The following RFX5 variants were observed in gnomAD, a reference collection of about 807,000 sequenced individuals.
RFX5 encodes DNA-binding protein RFX5.
Under a neutral mutation model 41.2 loss-of-function variants are expected in RFX5, and 30 were observed. That is an observed-to-expected ratio of 0.73 (90% CI 0.54 to 0.99). The LOEUF (loss-of-function observed/expected upper bound fraction) is 0.99, where lower values mean the gene tolerates loss of function less well. Among genes scored for constraint, RFX5 ranks in the 50% least tolerant of loss-of-function variants. The probability of loss-of-function intolerance (pLI) is 0.00; values close to 1 mark genes in which losing one functional copy is unlikely to be tolerated. For synonymous variants in RFX5, 231 were observed against 291.8 expected (o/e 0.79, Z 2.12); for missense variants, 715 against 773.6 (o/e 0.92, Z 0.90).
In RFX5 at chr1:151,346,252, C is replaced by T; in HGVS notation, c.69G>A (p.Glu23=). The change falls in exon 3 of 11, where the codon GAG becomes GAA. Residue 23 remains glutamate (E), a synonymous_variant. Transcript: ENST00000452671. Reference sequence around the variant, plus strand: ...GAAGAAGGGTGGTAGGTTCCCCAGCCTCAGCACCACCTGGGGGGGCCCTTC... The same window carrying T: ...GAAGAAGGGTGGTAGGTTCCCCAGCTTCAGCACCACCTGGGGGGGCCCTTC... The part of the protein sequence containing the change: ...TGGRAPPGGA[E]AGEPTTLLQR... 1 of 1,614,216 alleles carries T rather than the reference C, an allele frequency of 6.2e-7. No individual in the cohort carries two copies. The highest frequency in any genetic ancestry group is 8.5e-7 in the Non-Finnish European group (1 of 1,180,038).
chr1:151,346,892 G>C (rs1651121387), intron 1 of RFX5: 1 of 154,766 alleles, frequency 6.5e-6, no homozygotes, highest in African/African-American at 2.4e-5. Flanking sequence ...CACGTCGCCG[G>C]CCCCTACGTC....
intron 10 of RFX5, 29 bp downstream of exon 10, chr1:151,343,313 A>G: frequency 6.2e-7 from 1 of 1,610,400 alleles, no homozygotes; most frequent in Non-Finnish European, 8.5e-7. Context: ...AGCCCAGGAC[A>G]GCAAAGTCAG....
At chr1:151,344,090 G>T in intron 8 of RFX5, 107 bp downstream of exon 8, 1 of 1,212,008 alleles carries the variant, frequency 8.3e-7, no homozygotes, top group Non-Finnish European at 1.2e-6. Flanking sequence ...ATACCTAGAA[G>T]CTATGTACAT....
chr1:151,343,114 CTCT>C lies in RFX5; in HGVS notation c.920_922del (p.Lys307del). 4 of 1,612,760 alleles carry C rather than the reference CTCT, an allele frequency of 2.5e-6. No individual in the cohort carries two copies. The South Asian group carries it at 4.4e-5, about 18-fold the overall frequency. ...TCCTGGGGCCGAGCTCTCAACTACA[CTCT>C]TCTTCCGCTCTCCACGTGCGAGAGG... On this transcript the variant is annotated inframe_deletion, in exon 11 of 11. Transcript: ENST00000452671.
At position 151,342,184 on chromosome 1, in the gene RFX5, T is replaced by C. The variant is rs1650497892; in HGVS notation, c.*2A>G. On this transcript the variant is annotated 3_prime_UTR_variant, in exon 11 of 11. Transcript: ENST00000452671. ...ATAAACACTCTTCCCCACAGACCTG[T>C]ATCATGGGGGTGTTGCTTTTGGGTC... 1.2e-6 allele frequency: 2 copies of C among 1,614,170 alleles called. No homozygotes were observed. The highest frequency in any genetic ancestry group is 4.5e-5 in the East Asian group (2 of 44,888).
In RFX5 at chr1:151,343,156, C is replaced by T. The variant is rs777652681; in HGVS notation, c.881G>A (p.Arg294Gln). ...ACGTGCGAGAGGACCGGCCCCAGTT[C>T]GGGCTTCCAGATCCTTAGGAGGCTA... ...LAQPPKDLEA[R>Q]TGAGPLARGE... The change falls in exon 11 of 11, where the codon CGA (arginine) becomes CAA (glutamine). Residue 294 changes from arginine (R) to glutamine (Q), a missense_variant. Arg to Gln is a conservative substitution (Grantham distance 43). Transcript: ENST00000452671. 1.6e-5 allele frequency: 26 copies of T among 1,611,386 alleles called. No homozygotes were observed. Among genetic ancestry groups the T allele is most frequent in the African/African-American group, 1.3e-4 (10 of 74,998 alleles).
rs1650637769 is a variant in RFX5 at position 151,343,083 on chromosome 1, A to G, written c.954T>C (p.Asn318=). The G allele has an allele frequency of 6.2e-7, 1 of 1,613,236 alleles. No individual in the cohort carries two copies. The highest frequency in any genetic ancestry group is 8.5e-7 in the Non-Finnish European group (1 of 1,179,988). The part of the protein sequence containing the change: ...SVVESSAPGA[N]NLQVNALVAR... ...CCACTAGGGCATTAACCTGCAGGTT[A>G]TTGGCTCCTGGGGCCGAGCTCTCAA... is the stretch of plus-strand genomic sequence containing the variant. Residue 318 remains asparagine, a synonymous_variant, in exon 11 of 11, where the codon AAT becomes AAC. Transcript: ENST00000452671.
intron 9 of RFX5, 111 bp downstream of exon 9, chr1:151,343,570 G>C: frequency 7.0e-7 from 1 of 1,419,032 alleles, no homozygotes. Context: ...TCTTAGAAGG[G>C]TCTCCAGGAA....
rs1379268660 is a variant in RFX5 at position 151,343,438 on chromosome 1, C to T, written c.762G>A (p.Glu254=). Residue 254 remains glutamate (E), a synonymous_variant, in exon 10 of 11, where the codon GAG becomes GAA. Transcript: ENST00000452671. The part of the protein sequence containing the change: ...HVLKAMGLAE[E]DEHAPRERSS... The stretch of plus-strand genomic sequence containing the variant: ...ACCGTTCCCGAGGTGCATGTTCGTC[C>T]TCTTCTGCAGAGGTACCAAAAAGGT... 6.2e-7 allele frequency: 1 copy of T among 1,613,970 alleles called. No homozygotes were observed. The highest frequency in any genetic ancestry group is 8.5e-7 in the Non-Finnish European group (1 of 1,179,996).
At position 151,344,332 on chromosome 1, in the gene RFX5, A is replaced by C. The variant is rs1650797560; in HGVS notation, c.474-54T>G. 32 of 1,613,984 alleles carry C rather than the reference A, an allele frequency of 2.0e-5. 1 individual carries two copies. In the South Asian group the frequency reaches 3.4e-4, roughly 17 times the overall value. On this transcript the variant is annotated intron_variant, in intron 7 of 10. Coordinates refer to ENST00000452671, the MANE Select transcript of RFX5 (RefSeq NM_001025603.2). ...ATGGCGATCTCCAAGCCCCTCGAGC[A>C]AGTTAAGCTGTTCCACTCCTTGCTC... is the stretch of plus-strand genomic sequence containing the variant.
intron 4 of RFX5, chr1:151,345,569 G>A (rs796701814): frequency 3.5e-5 from 12 of 346,152 alleles, no homozygotes; most frequent in East Asian, 7.0e-5. Flanking sequence ...CCGAGATTGC[G>A]CCACTGCACT....
At chr1:151,345,282 T>C (rs1311380071) in intron 4 of RFX5, 94 bp from the exon 5 acceptor site, 1 of 977,900 alleles carries the variant, frequency 1.0e-6, no homozygotes, top group East Asian at 2.6e-5. Flanking sequence ...TCTAGCTGAC[T>C]TACAGGGTGT....
chr1:151,341,901 T>C lies in RFX5; in HGVS notation c.*285A>G. On this transcript the variant is annotated 3_prime_UTR_variant, in exon 11 of 11. Coordinates refer to ENST00000452671, the MANE Select transcript of RFX5 (RefSeq NM_001025603.2). ...TTAAAACCAAAAGATCCCTAACCTA[T>C]ATATTCATCATACTTAGCCCATTCC... The C allele has an allele frequency of 1.7e-6, 1 of 604,036 alleles. No homozygotes were observed. The highest frequency in any genetic ancestry group is 3.4e-5 in the East Asian group (1 of 29,482). 37.4% of individuals were successfully genotyped at this position (604,036 alleles called of 1,614,324 possible).
rs548859462 is a variant in RFX5, at chr1:151,343,918, A to G, written c.556-36T>C. ...GAAGGACATGCCCAATCACACTCCA[A>G]ATTAAAGAACCCTTGCCTCCTCTCT... On this transcript the variant is annotated intron_variant, in intron 8 of 10. Transcript: ENST00000452671. The G allele has an allele frequency of 6.9e-5, 111 of 1,603,844 alleles. 1 individual carries two copies. The South Asian group carries it at 1.0e-3, about 15-fold the overall frequency.
chr1:151,344,092 T>C, intron 8 of RFX5, 105 bp downstream of exon 8: 2 of 1,218,004 alleles, frequency 1.6e-6, no homozygotes, highest in East Asian at 2.3e-5. Context: ...ACCTAGAAGC[T>C]ATGTACATAA....
In RFX5 at chr1:151,344,366, C is replaced by T. The variant is rs769635353; in HGVS notation, c.473+51G>A. 2.5e-6 allele frequency: 4 copies of T among 1,614,146 alleles called. No homozygotes were observed. The South Asian group carries it at 4.4e-5, about 18-fold the overall frequency. ...TGTTCCACTCCTTGCTCTCCACATC[C>T]TAAGTCTTCCTCCCAGGTCCTCCAC... On this transcript the variant is annotated intron_variant, in intron 7 of 10. Coordinates refer to ENST00000452671, the MANE Select transcript of RFX5 (RefSeq NM_001025603.2).
intron 6 of RFX5, 25 bp downstream of exon 6, chr1:151,344,703 T>TCCCCCCCCCCCCCCC: frequency 2.6e-6 from 4 of 1,515,656 alleles, no homozygotes; most frequent in Admixed American, 3.9e-5. Context: ...AATCCACTCA[T>TCCCCCCCCCCCCCCC]CCCACCACCC....
In RFX5 at chr1:151,343,076, G is replaced by A. The variant is rs368167684; in HGVS notation, c.961C>T (p.Gln321Ter). 3.1e-6 allele frequency: 5 copies of A among 1,613,406 alleles called. No homozygotes were observed. In the African/African-American group the frequency reaches 5.3e-5, roughly 17 times the overall value. ...ESSAPGANNL[Q>*]VNALVARLPL... ...AGCCGAGCCACTAGGGCATTAACCT[G>A]CAGGTTATTGGCTCCTGGGGCCGAG... is the stretch of plus-strand genomic sequence containing the variant. The change falls in exon 11 of 11, where the codon CAG becomes TAG. Residue 321 changes from glutamine to a stop codon, truncating the protein, a stop_gained. Transcript: ENST00000452671. LOFTEE classifies it high-confidence loss of function.
Position 151,345,102 on chromosome 1 carries a change from C to G in RFX5, c.233+4G>C, listed in dbSNP as rs2233846. ...CTGCCATCTAAAACTACTATCAAAC[C>G]TACCTTTTGTCTCCAGTGGTGGGTC... is the stretch of plus-strand genomic sequence containing the variant. On this transcript the variant is annotated splice_donor_region_variant and intron_variant, in intron 5 of 10. Transcript: ENST00000452671. The G allele has an allele frequency of 1.0e-3, 1,652 of 1,613,584 alleles. 4 individuals carry two copies. The highest frequency in any genetic ancestry group is 7.6e-3 in the Admixed American group (455 of 60,016).
Sources: allele counts gnomAD v4.1 joint callset, GRCh38; gene constraint gnomAD v4.1.1; transcripts MANE v1.5; gene names NCBI Gene and HGNC (gene_info 2026-07-23, HGNC 2026-07-21).